Variants in ARHGAP42 observed in about 807,000 individuals in gnomAD.
ARHGAP42 encodes the protein rho GTPase-activating protein 42.
A neutral mutation model predicts 125.0 loss-of-function variants in ARHGAP42; 63 were observed. The observed-to-expected ratio is 0.50, with a 90% CI of 0.41 to 0.62. The LOEUF is 0.62. Ranked by LOEUF, ARHGAP42 falls within the 20% of genes least tolerant of loss-of-function variation. ARHGAP42 has a pLI of 0.00. For missense variants in ARHGAP42, 766 were observed against 1,024.2 expected, an observed-to-expected ratio of 0.75 and a Z score of 3.44; for synonymous variants, 339 against 351.0, an observed-to-expected ratio of 0.97 and a Z score of 0.38.
At chr11:100,800,992 C>T (rs1479560046) in intron 3 of ARHGAP42, among the ~76,000 whole-genome samples, 1 of 152,110 alleles carries the variant, frequency 6.6e-6, no homozygotes, top group Non-Finnish European at 1.5e-5. Flanking sequence ...TTTTAGATTT[C>T]AGATTTTAAA....
chr11:100,942,946 T>G (rs1227185695), intron 9 of ARHGAP42, among the ~76,000 whole-genome samples: 1 of 152,132 alleles, frequency 6.6e-6, no homozygotes, highest in Non-Finnish European at 1.5e-5. Context: ...AAAGTTCTAT[T>G]AATCAATTGA....
At position 100,892,878 on chromosome 11, in the gene ARHGAP42, A is replaced by G. The variant is rs116241539; in HGVS notation, c.385-20574A>G. 4.3e-3 allele frequency among the ~76,000 whole-genome samples: 662 copies of G among 152,296 alleles called. 4 individuals carry two copies. The highest frequency in any genetic ancestry group is 0.015 in the African/African-American group (643 of 41,580). ...ACCCGATATACTAAAGAGTTGAAAA[A>G]TTCTTCTCTCTGATTAACCTAAATA... On this transcript the variant is annotated intron_variant, in intron 4 of 23. Transcript: ENST00000298815.
Position 100,720,649 on chromosome 11 carries a change from G to A in ARHGAP42, c.154+32817G>A, listed in dbSNP as rs181629209. On this transcript the variant is annotated intron_variant, in intron 1 of 23. Coordinates refer to ENST00000298815, the MANE Select transcript of ARHGAP42 (RefSeq NM_152432.4). ...AGAACTTAAAATGAGGATATTTAAC[G>A]TTAATTGTATATGACTGTATTGGTT... 5.3e-3 allele frequency among the ~76,000 whole-genome samples: 794 copies of A among 150,682 alleles called. 7 individuals are homozygous for A. Among genetic ancestry groups the A allele is most frequent in the African/African-American group, 0.019 (765 of 40,838 alleles).
chr11:100,913,679 T>A, intron 5 of ARHGAP42, 126 bp downstream of exon 5: 1 of 382,302 alleles, frequency 2.6e-6, no homozygotes, highest in Non-Finnish European at 4.8e-6. Context: ...ATGGCTAAAT[T>A]AATTGAGCAC....
chr11:100,943,732 A>T (rs1280312189), intron 9 of ARHGAP42, 27 bp from the exon 10 acceptor site: 1 of 1,422,658 alleles, frequency 7.0e-7, no homozygotes, highest in Admixed American at 2.1e-5. Flanking sequence ...TCAGCATGTT[A>T]ATACTGTGGT....
chr11:100,950,599 C>CGG (rs1857626880), intron 12 of ARHGAP42, among the ~76,000 whole-genome samples: 1 of 151,662 alleles, frequency 6.6e-6, no homozygotes, highest in Non-Finnish European at 1.5e-5. Flanking sequence ...TCTTTATAAA[C>CGG]ACAGTTTATA....
chr11:100,969,682 T>G (rs1858188383), intron 17 of ARHGAP42, among the ~76,000 whole-genome samples: 1 of 152,152 alleles, frequency 6.6e-6, no homozygotes, highest in African/African-American at 2.4e-5. Flanking sequence ...CATTCTCTAT[T>G]TGATGAAACA....
At chr11:100,738,973 G>A (rs773846718) in intron 1 of ARHGAP42, among the ~76,000 whole-genome samples, 1 of 152,306 alleles carries the variant, frequency 6.6e-6, no homozygotes, top group South Asian at 2.1e-4. Context: ...AAGAAAGCAT[G>A]TATTTCAGAA....
intron 3 of ARHGAP42, among the ~76,000 whole-genome samples, chr11:100,830,405 G>A (rs1037155757): frequency 1.1e-4 from 16 of 152,164 alleles, no homozygotes; most frequent in Non-Finnish European, 2.2e-4. Context: ...TGGAGAGCAC[G>A]CGCTTTCCTT....
intron 4 of ARHGAP42, among the ~76,000 whole-genome samples, chr11:100,881,486 C>T (rs1813948): frequency 0.19 from 29,279 of 152,042 alleles, 3,736 homozygotes; most frequent in East Asian, 0.43. Context: ...TATGGCCTTA[C>T]AGTATAGTTT....
intron 3 of ARHGAP42, among the ~76,000 whole-genome samples, chr11:100,827,287 G>A (rs1864541996): frequency 6.6e-6 from 1 of 152,160 alleles, no homozygotes; most frequent in African/African-American, 2.4e-5. Flanking sequence ...ACAGGCATGA[G>A]CCACAACGTC....
intron 1 of ARHGAP42, among the ~76,000 whole-genome samples, chr11:100,762,355 A>G (rs1473271692): frequency 6.6e-6 from 1 of 152,214 alleles, no homozygotes; most frequent in African/African-American, 2.4e-5. Context: ...GGAATGAAGA[A>G]CAGCATCAGG....
chr11:100,926,499 T>C (rs1867427589), intron 6 of ARHGAP42, among the ~76,000 whole-genome samples: 1 of 152,182 alleles, frequency 6.6e-6, no homozygotes, highest in South Asian at 2.1e-4. Flanking sequence ...TTCCTTAAAA[T>C]TAGAAGAAAA....
intron 10 of ARHGAP42, among the ~76,000 whole-genome samples, chr11:100,944,137 C>A (rs1867955133): frequency 6.6e-6 from 1 of 151,950 alleles, no homozygotes; most frequent in Non-Finnish European, 1.5e-5. Flanking sequence ...CATGTAGTGG[C>A]CTCATGGTCC....
At chr11:100,943,717 A>G in intron 9 of ARHGAP42, 42 bp from the exon 10 acceptor site, 1 of 1,319,860 alleles carries the variant, frequency 7.6e-7, no homozygotes, top group Non-Finnish European at 1.1e-6. Context: ...ATTTCAATTC[A>G]CTTGTCAGCA....
rs73573370 is a variant in ARHGAP42 at position 100,712,935 on chromosome 11, A to T, written c.154+25103A>T. ...AATTTGCTTTCTCTCCTTTTATCCA[A>T]TTATCTTTGAGCAGTGCCTCTTTTC... is the stretch of plus-strand genomic sequence containing the variant. On this transcript the variant is annotated intron_variant, in intron 1 of 23. Transcript: ENST00000298815. Among the ~76,000 whole-genome samples the T allele has an allele frequency of 8.3e-3, 1,260 of 152,138 alleles. 10 individuals carry two copies. The highest frequency in any genetic ancestry group is 0.029 in the African/African-American group (1,206 of 41,484).
At chr11:100,735,757 C>T (rs551458606) in intron 1 of ARHGAP42, among the ~76,000 whole-genome samples, 7 of 151,602 alleles carry the variant, frequency 4.6e-5, no homozygotes, top group Non-Finnish European at 7.4e-5. Flanking sequence ...TACAGGCGCC[C>T]GCCACCACGC....
chr11:100,713,485 T>A (rs2120245401), intron 1 of ARHGAP42, among the ~76,000 whole-genome samples: 1 of 152,338 alleles, frequency 6.6e-6, no homozygotes, highest in Non-Finnish European at 1.5e-5. Flanking sequence ...GTTTCCTCTA[T>A]TTTAAATATG....
intron 3 of ARHGAP42, among the ~76,000 whole-genome samples, chr11:100,834,994 T>A (rs1005663865): frequency 6.6e-6 from 1 of 152,088 alleles, no homozygotes; most frequent in Non-Finnish European, 1.5e-5. Flanking sequence ...ATTCACCCTG[T>A]TTCATAAGTA....
Sources: allele counts gnomAD v4.1 joint callset (sites outside exome capture counted in the v4.1 genomes callset), GRCh38; gene constraint gnomAD v4.1.1; transcripts MANE v1.5; gene names NCBI Gene and HGNC (gene_info 2026-07-23, HGNC 2026-07-21).